The following NAALADL2 variants were observed in gnomAD, a reference collection of about 807,000 sequenced individuals.
NAALADL2 encodes the protein N-acetylated alpha-linked acidic dipeptidase like 2, also known as inactive N-acetylated-alpha-linked acidic dipeptidase-like protein 2.
A neutral mutation model predicts 87.2 loss-of-function variants in NAALADL2; 76 were observed. That is an observed-to-expected ratio of 0.87 (90% CI 0.72 to 1.05). NAALADL2 has a LOEUF of 1.05. Ranked by LOEUF, NAALADL2 falls within the 50% of genes least tolerant of loss-of-function variation. NAALADL2 has a pLI of 0.00. For missense variants in NAALADL2, 1,089 were observed against 945.8 expected, an observed-to-expected ratio of 1.15 and a Z score of -1.99; for synonymous variants, 354 against 331.0, an observed-to-expected ratio of 1.07 and a Z score of -0.75.
intron 1 of NAALADL2, among the ~76,000 whole-genome samples, chr3:174,995,671 A>G (rs1219530022): frequency 1.3e-5 from 2 of 152,104 alleles, no homozygotes; most frequent in Non-Finnish European, 1.5e-5. Context: ...AGATAAAAAT[A>G]TATTATAGAA....
intron 2 of NAALADL2, among the ~76,000 whole-genome samples, chr3:174,701,544 A>C (rs983657713): frequency 6.6e-6 from 1 of 152,164 alleles, no homozygotes; most frequent in African/African-American, 2.4e-5. Flanking sequence ...TCATCATTAC[A>C]ATGTAATGAG....
chr3:175,619,273 G>GGAAAGAAA (rs143830802), intron 10 of NAALADL2, among the ~76,000 whole-genome samples: 1 of 133,218 alleles, frequency 7.5e-6, no homozygotes, highest in Admixed American at 7.5e-5. Flanking sequence ...GGAAGGAGAA[G>GGAAAGAAA]GAAAGAAAGA....
At chr3:175,389,311 G>A (rs1477486335) in intron 5 of NAALADL2, among the ~76,000 whole-genome samples, 2 of 152,070 alleles carry the variant, frequency 1.3e-5, no homozygotes, top group South Asian at 2.1e-4. Context: ...TGGCAACGAC[G>A]CCACCTGGCA....
intron 11 of NAALADL2, among the ~76,000 whole-genome samples, chr3:175,720,540 C>T (rs2150032092): frequency 6.6e-6 from 1 of 151,922 alleles, no homozygotes; most frequent in South Asian, 2.1e-4. Flanking sequence ...GGGGGAGATG[C>T]AGTATTTGAA....
chr3:174,636,272 G>A (rs541929137), intron 2 of NAALADL2, among the ~76,000 whole-genome samples: 1 of 152,210 alleles, frequency 6.6e-6, no homozygotes, highest in South Asian at 2.1e-4. Context: ...AAGGACATTG[G>A]TCTACTCAAA....
chr3:175,280,382 T>C (rs1754133431), intron 4 of NAALADL2, among the ~76,000 whole-genome samples: 1 of 152,242 alleles, frequency 6.6e-6, no homozygotes, highest in East Asian at 1.9e-4. Flanking sequence ...CCATTAAAGA[T>C]TTTATCAAGA....
intron 2 of NAALADL2, among the ~76,000 whole-genome samples, chr3:175,114,884 C>T: frequency 6.6e-6 from 1 of 151,586 alleles, no homozygotes; most frequent in East Asian, 1.9e-4. Flanking sequence ...TATAGTAATT[C>T]ACTTTGGCCA....
intron 2 of NAALADL2, among the ~76,000 whole-genome samples, chr3:175,232,229 AG>A (rs371610317): frequency 1.3e-4 from 5 of 37,974 alleles, no homozygotes; most frequent in Non-Finnish European, 2.6e-4. Context: ...GAAGAAGAAG[AG>A]GAAGAGGAAG....
intron 5 of NAALADL2, among the ~76,000 whole-genome samples, chr3:175,374,426 T>C (rs1037518495): frequency 1.3e-5 from 2 of 150,396 alleles, no homozygotes; most frequent in Admixed American, 6.6e-5. Flanking sequence ...TGGTGGCGGG[T>C]GCTTGTAATC....
intron 1 of NAALADL2, among the ~76,000 whole-genome samples, chr3:174,457,251 G>T (rs948709498): frequency 7.2e-5 from 11 of 152,196 alleles, no homozygotes; most frequent in African/African-American, 2.2e-4. Context: ...AGACACTGTT[G>T]TTGGGTGTGT....
chr3:174,958,134 C>CT (rs34174348), intron 1 of NAALADL2, among the ~76,000 whole-genome samples: 84,171 of 147,398 alleles, frequency 0.57, 24,816 homozygotes, highest in African/African-American at 0.66. Context: ...AATATCCAGA[C>CT]TTTTTTTTTT....
At chr3:174,516,528 T>C (rs1026540608) in intron 1 of NAALADL2, among the ~76,000 whole-genome samples, 17 of 152,164 alleles carry the variant, frequency 1.1e-4, no homozygotes, top group Non-Finnish European at 1.6e-4. Flanking sequence ...AGAAGTTGAC[T>C]GGACTTGGCA....
chr3:174,627,060 T>G (rs1015345569), intron 2 of NAALADL2, among the ~76,000 whole-genome samples: 2 of 152,140 alleles, frequency 1.3e-5, no homozygotes, highest in African/African-American at 4.8e-5. Flanking sequence ...ATACTTATGG[T>G]TCATGGTCTG....
At chr3:175,107,319 G>A (rs1253281543) in intron 2 of NAALADL2, among the ~76,000 whole-genome samples, 1 of 151,946 alleles carries the variant, frequency 6.6e-6, no homozygotes, top group African/African-American at 2.4e-5. Context: ...AATAGGGAAA[G>A]ACTGTCCTTC....
chr3:175,473,626 A>C (rs1725226172), intron 9 of NAALADL2, among the ~76,000 whole-genome samples: 1 of 151,792 alleles, frequency 6.6e-6, no homozygotes, highest in Non-Finnish European at 1.5e-5. Flanking sequence ...ATATATTTTT[A>C]AAACTCAAAT....
intron 11 of NAALADL2, among the ~76,000 whole-genome samples, chr3:175,666,359 A>C (rs1356427633): frequency 6.6e-6 from 1 of 152,166 alleles, no homozygotes; most frequent in African/African-American, 2.4e-5. Flanking sequence ...ATAGAATAAC[A>C]AGCTTTTCCT....
chr3:175,004,376 CAAAAAAAAA>C (rs538715061), intron 1 of NAALADL2, among the ~76,000 whole-genome samples: 1 of 33,852 alleles, frequency 3.0e-5, no homozygotes, highest in East Asian at 9.8e-4. Context: ...GAGACTATTT[CAAAAAAAAA>C]AAAAAAAAAA....
At chr3:175,075,954 A>G (rs1223017319) in intron 1 of NAALADL2, among the ~76,000 whole-genome samples, 1 of 152,158 alleles carries the variant, frequency 6.6e-6, no homozygotes, top group East Asian at 1.9e-4. Context: ...CAGGCCAGGC[A>G]TAGTGAGTGG....
At chr3:175,272,939 A>G (rs1258489994) in intron 4 of NAALADL2, among the ~76,000 whole-genome samples, 2 of 152,142 alleles carry the variant, frequency 1.3e-5, no homozygotes, top group East Asian at 3.8e-4. Context: ...CAATATAGCA[A>G]TAACATATTA....
Sources: gnomAD v4.1 joint callset for allele counts (sites outside exome capture counted in the v4.1 genomes callset) on GRCh38, gnomAD v4.1.1 for gene constraint, MANE v1.5 for transcripts, NCBI Gene and HGNC (gene_info 2026-07-23, HGNC 2026-07-21) for gene names.